KXD1: variants seen among roughly 807,000 people sequenced by gnomAD.
The protein encoded by KXD1 is KxDL motif containing 1.
A neutral mutation model predicts 12.1 loss-of-function variants in KXD1; 5 were observed. That is an observed-to-expected ratio of 0.41 (90% CI 0.22 to 0.87). The LOEUF is 0.87. Ranked by LOEUF, KXD1 falls within the 40% of genes least tolerant of loss-of-function variation. The pLI is 0.31. For missense variants in KXD1, 193 were observed against 244.9 expected (o/e 0.79, Z 1.41); for synonymous variants, 98 against 100.5 (o/e 0.98, Z 0.15).
At chr19:18,567,861 G>A (rs148535616) in intron 4 of KXD1, among the ~76,000 whole-genome samples, 3 of 152,278 alleles carry the variant, frequency 2.0e-5, no homozygotes, top group East Asian at 1.9e-4. Context: ...AGCCAGGTTC[G>A]CCCTCAGGGC....
chr19:18,567,280 G>A (rs772847881), intron 4 of KXD1, 102 bp downstream of exon 4: 3 of 1,193,996 alleles, frequency 2.5e-6, no homozygotes, highest in Admixed American at 1.9e-5. Flanking sequence ...AGACCAGGCT[G>A]TAATGGGCAG....
intron 1 of KXD1, chr19:18,559,551 CCT>C (rs1245071711): frequency 6.6e-6 from 1 of 152,114 alleles, no homozygotes; most frequent in Non-Finnish European, 1.5e-5. Flanking sequence ...AAAAAAAATC[CCT>C]GTTTCCTTTT....
intron 2 of KXD1, 42 bp downstream of exon 2, chr19:18,562,199 C>T (rs898403742): frequency 1.4e-6 from 2 of 1,457,896 alleles, no homozygotes; most frequent in East Asian, 2.5e-5. Context: ...AAGGAATCCA[C>T]AGGCTGGCCA....
chr19:18,568,237 A>C (rs939119457), intron 4 of KXD1, among the ~76,000 whole-genome samples, 165 bp from the exon 5 acceptor site: 2 of 149,674 alleles, frequency 1.3e-5, no homozygotes, highest in Non-Finnish European at 1.5e-5. Flanking sequence ...ATTGCACTCT[A>C]GCCTGGGCAA....
intron 4 of KXD1, chr19:18,567,408 G>C (rs1975302545): frequency 1.5e-6 from 1 of 662,006 alleles, no homozygotes; most frequent in Admixed American, 2.3e-5. Context: ...CCGCACAGGA[G>C]AATGTGGATA....
chr19:18,567,428 A>G (rs1975303947), intron 4 of KXD1: 2 of 679,862 alleles, frequency 2.9e-6, no homozygotes, highest in Middle Eastern at 2.4e-4. Context: ...AAGCAGCATG[A>G]CAATCCTTAT....
Position 18,562,041 on chromosome 19 carries a change from GGA to G in KXD1, c.-14_-13del. ...TCTGTTCTTGCCTGTTTCAGGCAGC[GGA>G]GGAGGAGAAAGAGATGGACCTCCCG... On this transcript the variant is annotated 5_prime_UTR_variant, in exon 2 of 5. Coordinates refer to ENST00000222307, the MANE Select transcript of KXD1 (RefSeq NM_024069.4). 1.2e-6 allele frequency: 2 copies of G among 1,606,422 alleles called. No homozygotes were observed. The highest frequency in any genetic ancestry group is 1.7e-6 in the Non-Finnish European group (2 of 1,174,814).
chr19:18,566,560 G>A (rs1309873654), intron 3 of KXD1, among the ~76,000 whole-genome samples: 1 of 152,018 alleles, frequency 6.6e-6, no homozygotes, highest in African/African-American at 2.4e-5. Context: ...GGAGGCTGAC[G>A]CAGGCAGATC....
intron 3 of KXD1, among the ~76,000 whole-genome samples, chr19:18,566,607 A>G (rs892253234): frequency 1.3e-5 from 2 of 152,052 alleles, no homozygotes; most frequent in Non-Finnish European, 2.9e-5. Flanking sequence ...CCTGGCCAAC[A>G]TGATGAAATC....
Position 18,568,698 on chromosome 19 carries a change from G to T in KXD1, c.*67G>T. On this transcript the variant is annotated 3_prime_UTR_variant, in exon 5 of 5. Transcript: ENST00000222307. ...ATACAAGGTGGCAGCGGGTAACCCT[G>T]CCTTGTTCTGTCATCCAGGGCTCCT... is the stretch of plus-strand genomic sequence containing the variant. The T allele has an allele frequency of 5.6e-6, 7 of 1,239,456 alleles. No individual in the cohort carries two copies. Among genetic ancestry groups the T allele is most frequent in the Non-Finnish European group, 8.0e-6 (7 of 876,488 alleles). The allele number at this position is 1,239,456 out of a possible 1,614,324, so 76.8% of individuals were successfully genotyped here. A position where few individuals can be genotyped will look rare whatever the true frequency, so the allele number is the denominator to read the frequency against.
chr19:18,565,189 A>C, intron 3 of KXD1, 168 bp downstream of exon 3: 1 of 1,403,914 alleles, frequency 7.1e-7, no homozygotes. Context: ...TAAAATCTTG[A>C]CGTAAGTTTA....
chr19:18,561,937 G>A (rs1030510722), intron 1 of KXD1, 99 bp from the exon 2 acceptor site: 32 of 664,482 alleles, frequency 4.8e-5, no homozygotes, highest in African/African-American at 2.2e-4. Context: ...ATACCACCAC[G>A]GTTGGGTTAG....
chr19:18,567,185 G>T lies in KXD1; in HGVS notation c.301+7G>T, dbSNP rs375504320. 637 of 1,614,080 alleles carry T rather than the reference G, an allele frequency of 3.9e-4. No homozygotes were observed. Among genetic ancestry groups the T allele is most frequent in the Non-Finnish European group, 4.9e-4 (576 of 1,179,942 alleles). On this transcript the variant is annotated splice_region_variant and intron_variant, in intron 4 of 4. Coordinates refer to ENST00000222307, the MANE Select transcript of KXD1 (RefSeq NM_024069.4). ...CACCCAGAGGCCTTCAGCCGTAAGT[G>T]TCACGCAGGGTTCCTGCTCCCGAGC...
chr19:18,558,345 C>T (rs1977001746), intron 1 of KXD1: 1 of 152,182 alleles, frequency 6.6e-6, no homozygotes, highest in Admixed American at 6.6e-5. Context: ...GCTTCTCTGC[C>T]TCTCCCTGTG....
rs185395797 is a variant in KXD1 at position 18,562,301 on chromosome 19, C to T, written c.101+144C>T. 392 of 655,012 alleles carry T rather than the reference C, an allele frequency of 6.0e-4. 1 individual carries two copies. Among genetic ancestry groups the T allele is most frequent in the Admixed American group, 2.2e-3 (70 of 32,106 alleles). 40.6% of individuals were successfully genotyped at this position (655,012 alleles called of 1,614,324 possible). On this transcript the variant is annotated intron_variant, in intron 2 of 4. Coordinates refer to ENST00000222307, the MANE Select transcript of KXD1 (RefSeq NM_024069.4). The stretch of plus-strand genomic sequence containing the variant: ...TCTGTCGCTGGCTCCAAAGTAAATT[C>T]CTTCCCGGCCTGGAGGCGAGGCCTT...
chr19:18,563,849 G>A (rs1054262154), intron 2 of KXD1, among the ~76,000 whole-genome samples: 9 of 151,392 alleles, frequency 5.9e-5, no homozygotes, highest in African/African-American at 2.2e-4. Context: ...ATGTTGGCCA[G>A]ACCTCAAGTG....
At chr19:18,562,453 TTTTG>T (rs1033359841) in intron 2 of KXD1, among the ~76,000 whole-genome samples, 45 of 152,088 alleles carry the variant, frequency 3.0e-4, no homozygotes, top group Non-Finnish European at 7.4e-5. Context: ...ATGCAGGTTT[TTTTG>T]TTTATTTGTT....
chr19:18,560,412 C>T (rs1197927307), intron 1 of KXD1: 2 of 152,058 alleles, frequency 1.3e-5, no homozygotes, highest in African/African-American at 4.8e-5. Flanking sequence ...TTTTCCTGAA[C>T]TCCCTAGGAG....
intron 2 of KXD1, among the ~76,000 whole-genome samples, chr19:18,562,574 G>A (rs1165407984): frequency 6.6e-6 from 1 of 152,342 alleles, no homozygotes; most frequent in East Asian, 1.9e-4. Context: ...GATTTCTCCT[G>A]CCTCAGCCCT....
Sources: allele counts gnomAD v4.1 joint callset (sites outside exome capture counted in the v4.1 genomes callset), GRCh38; gene constraint gnomAD v4.1.1; transcripts MANE v1.5; gene names NCBI Gene and HGNC (gene_info 2026-07-23, HGNC 2026-07-21).